MACF1: variants seen among roughly 807,000 people sequenced by gnomAD.
MACF1 encodes the protein microtubule actin crosslinking factor 1.
Under a neutral mutation model 854.8 loss-of-function variants are expected in MACF1, and 193 were observed. That is an observed-to-expected ratio of 0.23 (90% confidence interval 0.20 to 0.25). The LOEUF (loss-of-function observed/expected upper bound fraction) is 0.25, where lower values mean the gene tolerates loss of function less well. MACF1 is among the 10% of genes least tolerant of loss of function. The pLI is 1.00. For synonymous variants in MACF1, 3,185 were observed against 3,226.7 expected, an observed-to-expected ratio of 0.99 and a Z score of 0.44; for missense variants, 7,722 against 8,929.1, an observed-to-expected ratio of 0.86 and a Z score of 5.45.
chr1:39,437,050 G>A (rs1643994351), intron 70 of MACF1, among the ~76,000 whole-genome samples: 1 of 152,090 alleles, frequency 6.6e-6, no homozygotes, highest in Non-Finnish European at 1.5e-5. Context: ...GCTGGTGGAG[G>A]GCATCTAACT....
At chr1:39,161,891 AAATT>A (rs1290435138) in intron 2 of MACF1, among the ~76,000 whole-genome samples, 1 of 44,630 alleles carries the variant, frequency 2.2e-5, no homozygotes. Context: ...ATAATAAAAT[AAATT>A]AAAAAAAAAA....
rs75782254 is a variant in MACF1 at position 39,262,841 on chromosome 1, A to G, written c.528+4813A>G. 4.3e-3 allele frequency among the ~76,000 whole-genome samples: 659 copies of G among 152,262 alleles called. 8 individuals carry two copies. The highest frequency in any genetic ancestry group is 0.015 in the African/African-American group (619 of 41,542). ...CCAGAATATTTTCTCAGTTTTAACTATGGATTCCTTTTCTTTGCCGTTCTG... is the reference window on the plus strand; with the variant it reads ...CCAGAATATTTTCTCAGTTTTAACTGTGGATTCCTTTTCTTTGCCGTTCTG... On this transcript the variant is annotated intron_variant, in intron 6 of 100. Coordinates refer to ENST00000564288, the MANE Select transcript of MACF1 (RefSeq NM_001394062.1).
At chr1:39,426,693 G>A (rs1643738522) in intron 61 of MACF1, among the ~76,000 whole-genome samples, 1 of 152,056 alleles carries the variant, frequency 6.6e-6, no homozygotes, top group Non-Finnish European at 1.5e-5. Flanking sequence ...GAAAAGCCAA[G>A]CTTAGTTATG....
chr1:39,357,526 C>G lies in MACF1; in HGVS notation c.11576C>G (p.Ser3859Cys), dbSNP rs2148512252. The change falls in exon 45 of 101, where the codon TCT becomes TGT. Residue 3859 changes from serine (S) to cysteine (C), a missense_variant. Coordinates refer to ENST00000564288, the MANE Select transcript of MACF1 (RefSeq NM_001394062.1). ...CTGGGAGAGCTAAAGGAACAATACT[C>G]TACTTCCCTGGCCCAATCAGAGGCA... is the stretch of plus-strand genomic sequence containing the variant. ...QKLGELKEQYSTSLAQSEAEL... is the reference protein window; with the variant it reads ...QKLGELKEQYCTSLAQSEAEL... 6 of 1,614,170 alleles carry G rather than the reference C, an allele frequency of 3.7e-6. No individual in the cohort carries two copies.
chr1:39,142,788 C>T (rs545857622), intron 2 of MACF1, among the ~76,000 whole-genome samples: 1 of 152,206 alleles, frequency 6.6e-6, no homozygotes, highest in Non-Finnish European at 1.5e-5. Flanking sequence ...TGCTGAGTCA[C>T]CACCTAGGAA....
At position 39,297,876 on chromosome 1, in the gene MACF1, A is replaced by G; in HGVS notation, c.2481+131A>G. The G allele has an allele frequency of 8.8e-6, 9 of 1,018,326 alleles. No homozygotes were observed. The South Asian group carries it at 1.2e-4, about 14-fold the overall frequency. The allele number at this position is 1,018,326 out of a possible 1,614,324, so 63.1% of individuals were successfully genotyped here. A position where few individuals can be genotyped will look rare whatever the true frequency, so the allele number is the denominator to read the frequency against. On this transcript the variant is annotated intron_variant, in intron 21 of 100. Transcript: ENST00000564288. Reference sequence around the variant, plus strand: ...GTAATAAAGTTTGGCTTACATTCAAATAGAGTTTAATCGATGTTGTTCTGT... The same window carrying G: ...GTAATAAAGTTTGGCTTACATTCAAGTAGAGTTTAATCGATGTTGTTCTGT...
chr1:39,480,061 T>A (rs1216261885), intron 98 of MACF1, 52 bp downstream of exon 98: 1 of 1,144,546 alleles, frequency 8.7e-7, no homozygotes. Flanking sequence ...CCCTCACAGA[T>A]GTTCATTGTT....
In MACF1 at chr1:39,388,146, G is replaced by A. The variant is rs687895; in HGVS notation, c.15304G>A (p.Glu5102Lys). 33 of 1,613,968 alleles carry A rather than the reference G, an allele frequency of 2.0e-5. No individual in the cohort carries two copies. Among genetic ancestry groups the A allele is most frequent in the Admixed American group, 3.3e-5 (2 of 59,986 alleles). ...QAEVAQQEFLEVKQRVNSGCV... is the reference protein window; with the variant it reads ...QAEVAQQEFLKVKQRVNSGCV... Reference sequence around the variant, plus strand: ...TGAGGTCGCCCAGCAAGAGTTCCTCGAAGTTAAGCAAAGAGTGAACAGTGG... The same window carrying A: ...TGAGGTCGCCCAGCAAGAGTTCCTCAAAGTTAAGCAAAGAGTGAACAGTGG... The change falls in exon 58 of 101, where the codon GAA becomes AAA. Residue 5102 changes from glutamate to lysine, a missense_variant. Coordinates refer to ENST00000564288, the MANE Select transcript of MACF1 (RefSeq NM_001394062.1).
rs1423051729 is a variant in MACF1, at chr1:39,452,667, G to T, written c.20614-17G>T. 1.2e-6 allele frequency: 2 copies of T among 1,612,250 alleles called. No individual in the cohort carries two copies. On this transcript the variant is annotated splice_polypyrimidine_tract_variant and intron_variant, in intron 86 of 100. Transcript: ENST00000564288. Reference sequence around the variant, plus strand: ...GCTGCAGAGAGAGGTTGAATCTTTTGTGCTTGGTTATTTCAGGCGGAAGTG... The same window carrying T: ...GCTGCAGAGAGAGGTTGAATCTTTTTTGCTTGGTTATTTCAGGCGGAAGTG...
In MACF1 at chr1:39,454,239, G is replaced by A. The variant is rs187778693; in HGVS notation, c.20886+389G>A. On this transcript the variant is annotated intron_variant, in intron 88 of 100. Coordinates refer to ENST00000564288, the MANE Select transcript of MACF1 (RefSeq NM_001394062.1). ...GGGTCCACATTCACAGCCAAACATGGATAGAAAATACAGTATTCACGGGAA... is the reference window on the plus strand; with the variant it reads ...GGGTCCACATTCACAGCCAAACATGAATAGAAAATACAGTATTCACGGGAA... Among the ~76,000 whole-genome samples, 4 of 152,196 alleles carry A rather than the reference G, an allele frequency of 2.6e-5. No individual in the cohort carries two copies. In the East Asian group the frequency reaches 7.7e-4, roughly 29 times the overall value.
chr1:39,429,164 T>G, intron 63 of MACF1, 78 bp from the exon 64 acceptor site: 1 of 704,020 alleles, frequency 1.4e-6, no homozygotes. Context: ...TACTTTAAAT[T>G]TGATCTCTTA....
rs774600785 is a variant in MACF1, at chr1:39,385,435, T to G, written c.13850T>G (p.Phe4617Cys). ...ATCTTGGTGTCATTTCTATTTCAGT[T>G]TATGCTAAAGGAATTTGAAGCACGC... ...MLNAQKQQVQ[F>C]MLKEFEARRQ... The change falls in exon 57 of 101, where the codon TTT (phenylalanine) becomes TGT (cysteine). Residue 4617 changes from phenylalanine (F) to cysteine (C), a missense_variant and splice_region_variant. By Grantham distance (205) the Phe-to-Cys change is radical. This residue lies in a region of MACF1 where 2,807 missense variants were observed against 3,235.8 expected (regional missense o/e 0.87). Coordinates refer to ENST00000564288, the MANE Select transcript of MACF1 (RefSeq NM_001394062.1). 11 of 1,612,772 alleles carry G rather than the reference T, an allele frequency of 6.8e-6. No homozygotes were observed. In the East Asian group the frequency reaches 2.5e-4, roughly 36 times the overall value.
intron 6 of MACF1, among the ~76,000 whole-genome samples, chr1:39,278,362 T>A (rs1229401590): frequency 6.6e-6 from 1 of 152,226 alleles, no homozygotes; most frequent in Non-Finnish European, 1.5e-5. Context: ...ACAGGTATTT[T>A]ATTTTTCTTT....
chr1:39,124,249 T>C lies in MACF1; in HGVS notation c.220+39811T>C, dbSNP rs575120322. 2.0e-5 allele frequency among the ~76,000 whole-genome samples: 3 copies of C among 152,198 alleles called. No homozygotes were observed. In the East Asian group the frequency reaches 5.8e-4, roughly 29 times the overall value. On this transcript the variant is annotated intron_variant, in intron 2 of 93. Coordinates refer to the MACF1 transcript ENST00000361689. ...GTTTGAGAAGCACCAAGTTTGTGAT[T>C]AGGTGGTTAGTGCAAGGGGCTTTGG... is the stretch of plus-strand genomic sequence containing the variant.
At chr1:39,286,394 A>G (rs961550579) in intron 14 of MACF1, among the ~76,000 whole-genome samples, 1 of 152,086 alleles carries the variant, frequency 6.6e-6, no homozygotes, top group Non-Finnish European at 1.5e-5. Context: ...GATCCATCAC[A>G]TTCTTTTTAT....
At chr1:39,289,108 TTAAG>T (rs1479091592) in intron 15 of MACF1, among the ~76,000 whole-genome samples, 1 of 152,212 alleles carries the variant, frequency 6.6e-6, no homozygotes, top group Non-Finnish European at 1.5e-5. Context: ...TCCATTGTGT[TTAAG>T]TACCACATTT....
intron 1 of MACF1, among the ~76,000 whole-genome samples, chr1:39,216,871 C>T (rs1644583278): frequency 6.6e-6 from 1 of 152,102 alleles, no homozygotes; most frequent in South Asian, 2.1e-4. Flanking sequence ...AGCCCCATCT[C>T]CCCCAATCCC....
intron 2 of MACF1, among the ~76,000 whole-genome samples, chr1:39,232,482 T>G (rs1377779548): frequency 6.6e-6 from 1 of 152,204 alleles, no homozygotes; most frequent in Non-Finnish European, 1.5e-5. Flanking sequence ...TTCTGCCTGT[T>G]TCACTGGCTT....
chr1:39,292,616 G>C (rs1645815439), intron 16 of MACF1, 150 bp from the exon 17 acceptor site: 1 of 604,060 alleles, frequency 1.7e-6, no homozygotes, highest in African/African-American at 1.9e-5. Flanking sequence ...TATAAAATAT[G>C]ACTCAGAAAT....
Sources: allele counts gnomAD v4.1 joint callset (sites outside exome capture counted in the v4.1 genomes callset), GRCh38; gene constraint gnomAD v4.1.1; regional missense constraint gnomAD v4.1.1; transcripts MANE v1.5; gene names NCBI Gene and HGNC (gene_info 2026-07-23, HGNC 2026-07-21).